The following KCNG2 variants were observed in gnomAD, a reference collection of about 807,000 sequenced individuals.
KCNG2 encodes potassium voltage-gated channel modifier subfamily G member 2, also known as voltage-gated potassium channel regulatory subunit KCNG2.
Under a neutral mutation model 12.3 loss-of-function variants are expected in KCNG2, and 7 were observed. That is an observed-to-expected ratio of 0.57 (90% CI 0.32 to 1.07). KCNG2 has a LOEUF of 1.07. KCNG2 is among the 50% of genes least tolerant of loss of function. The probability of loss-of-function intolerance (pLI) is 0.04; values close to 1 mark genes in which losing one functional copy is unlikely to be tolerated. For synonymous variants in KCNG2, 414 were observed against 351.4 expected (o/e 1.18, Z -1.99); for missense variants, 703 against 726.0 (o/e 0.97, Z 0.36).
At chr18:79,820,802 C>A (rs1417559923) in intron 1 of KCNG2, among the ~76,000 whole-genome samples, 4 of 152,132 alleles carry the variant, frequency 2.6e-5, no homozygotes, top group Non-Finnish European at 4.4e-5. Flanking sequence ...GCATGCACCA[C>A]CACACCCAGC....
In KCNG2 at chr18:79,899,376, G is replaced by C. The variant is rs752015954; in HGVS notation, c.961G>C (p.Glu321Gln). Residue 321 changes from glutamate (E) to glutamine (Q), a missense_variant, in exon 4 of 4, where the codon GAG (glutamate) becomes CAG (glutamine). Transcript: ENST00000316249. Reference sequence around the variant, plus strand: ...CCTGACCATGCGCCGCTGCGCGCGCGAGTTCGGGCTGCTGCTGCTGTTCCT... The same window carrying C: ...CCTGACCATGCGCCGCTGCGCGCGCCAGTTCGGGCTGCTGCTGCTGTTCCT... ...LGLTMRRCAR[E>Q]FGLLLLFLCV... The C allele has an allele frequency of 7.7e-6, 12 of 1,561,718 alleles. No homozygotes were observed. The highest frequency in any genetic ancestry group is 2.8e-5 in the African/African-American group (2 of 72,496).
At chr18:79,823,907 G>A (rs1320013087) in intron 1 of KCNG2, among the ~76,000 whole-genome samples, 2 of 152,142 alleles carry the variant, frequency 1.3e-5, no homozygotes, top group Non-Finnish European at 2.9e-5. Context: ...GTTTACTTTC[G>A]TGTTTTAAAT....
chr18:79,873,401 C>T (rs1979931337), intron 3 of KCNG2, among the ~76,000 whole-genome samples: 7 of 146,406 alleles, frequency 4.8e-5, no homozygotes, highest in Admixed American at 4.1e-4. Context: ...TGCTGGCCCA[C>T]GGGTGCCGCT....
chr18:79,834,829 C>T (rs1352746460), intron 1 of KCNG2, among the ~76,000 whole-genome samples: 2 of 152,224 alleles, frequency 1.3e-5, no homozygotes, highest in African/African-American at 2.4e-5. Context: ...GGAGCTGGTT[C>T]CTGATGGCTG....
Position 79,899,133 on chromosome 18 carries a change from G to A in KCNG2, c.718G>A (p.Ala240Thr). ...CGAGTTCCTGCTGCGCTCCCTGCAG[G>A]CCGAGAGCAAGTGCGCCTTCCTGCG... ...SFEFLLRSLQ[A>T]ESKCAFLRAP... The change falls in exon 4 of 4, where the codon GCC (alanine) becomes ACC (threonine). Residue 240 changes from alanine (A) to threonine (T), a missense_variant. Transcript: ENST00000316249. 1 of 1,607,648 alleles carries A rather than the reference G, an allele frequency of 6.2e-7. No homozygotes were observed.
chr18:79,842,445 G>C (rs1978489466), intron 1 of KCNG2, among the ~76,000 whole-genome samples: 1 of 152,138 alleles, frequency 6.6e-6, no homozygotes, highest in African/African-American at 2.4e-5. Context: ...AAGGGCACAA[G>C]GATCATGAAT....
chr18:79,896,017 G>C (rs1318901884), intron 3 of KCNG2, among the ~76,000 whole-genome samples: 4 of 152,178 alleles, frequency 2.6e-5, no homozygotes, highest in Non-Finnish European at 5.9e-5. Flanking sequence ...CCAGGTTGGA[G>C]TGCAGTGGCA....
At chr18:79,813,831 A>G (rs188695736) in intron 1 of KCNG2, among the ~76,000 whole-genome samples, 92 of 152,372 alleles carry the variant, frequency 6.0e-4, no homozygotes, top group African/African-American at 2.1e-3. Flanking sequence ...GAATGGGAGA[A>G]AATATTTGCA....
rs762037910 is a variant in KCNG2 at position 79,899,383 on chromosome 18, GGCT to G, written c.979_981del (p.Leu327del). On this transcript the variant is annotated inframe_deletion, in exon 4 of 4. Coordinates refer to ENST00000316249, the MANE Select transcript of KCNG2 (RefSeq NM_012283.2). ...ATGCGCCGCTGCGCGCGCGAGTTCGGGCTGCTGCTGCTGTTCCTCTGCGTGGCC... is the reference window on the plus strand; with the variant it reads ...ATGCGCCGCTGCGCGCGCGAGTTCGGGCTGCTGCTGTTCCTCTGCGTGGCC... 7.0e-6 allele frequency: 11 copies of G among 1,566,762 alleles called. No individual in the cohort carries two copies. The highest frequency in any genetic ancestry group is 3.7e-5 in the Admixed American group (2 of 54,358).
At chr18:79,891,582 A>G (rs951806020) in intron 3 of KCNG2, among the ~76,000 whole-genome samples, 4 of 152,142 alleles carry the variant, frequency 2.6e-5, no homozygotes, top group Non-Finnish European at 5.9e-5. Flanking sequence ...TTGTGTCTTC[A>G]TTCTTACTCA....
intron 3 of KCNG2, among the ~76,000 whole-genome samples, chr18:79,873,434 C>A (rs966497355): frequency 1.4e-5 from 2 of 145,082 alleles, no homozygotes; most frequent in African/African-American, 5.1e-5. Flanking sequence ...CCTCCCCCCC[C>A]CCCAGCCACC....
chr18:79,864,149 G>C lies in KCNG2; in HGVS notation c.482G>C (p.Arg161Pro). ...GPRGRLQRGRRRLRDVVDNPH... is the reference protein window; with the variant it reads ...GPRGRLQRGRPRLRDVVDNPH... The stretch of plus-strand genomic sequence containing the variant: ...CGGGGGCGGCTGCAGCGCGGCCGGC[G>C]GCGCCTGCGCGACGTGGTGGACAAC... Residue 161 changes from arginine (R) to proline (P), a missense_variant, in exon 3 of 4, where the codon CGG (arginine) becomes CCG (proline). Physicochemically the swap from Arg to Pro is moderately radical, Grantham distance 103. Coordinates refer to ENST00000316249, the MANE Select transcript of KCNG2 (RefSeq NM_012283.2). The C allele has an allele frequency of 7.0e-7, 1 of 1,421,520 alleles. No homozygotes were observed. The highest frequency in any genetic ancestry group is 9.2e-7 in the Non-Finnish European group (1 of 1,090,350). The allele number at this position is 1,421,520 out of a possible 1,614,324, so 88.1% of individuals were successfully genotyped here.
At chr18:79,828,967 A>G (rs111164332) in intron 1 of KCNG2, among the ~76,000 whole-genome samples, 76 of 80,566 alleles carry the variant, frequency 9.4e-4, no homozygotes, top group Middle Eastern at 0.017. Context: ...ATGTGTCTGT[A>G]TGTGGGTGTC....
chr18:79,804,378 C>T (rs968887637), intron 1 of KCNG2, among the ~76,000 whole-genome samples: 5 of 152,248 alleles, frequency 3.3e-5, no homozygotes, highest in Admixed American at 1.3e-4. Context: ...CTGCACCAGG[C>T]TCCAGGGGGG....
At chr18:79,876,054 G>A (rs1599420158) in intron 3 of KCNG2, 1 of 152,368 alleles carries the variant, frequency 6.6e-6, no homozygotes, top group African/African-American at 2.4e-5. Context: ...CAGGTCTGGG[G>A]TTGGTGCAGC....
At chr18:79,838,811 G>A (rs982537470) in intron 1 of KCNG2, among the ~76,000 whole-genome samples, 3 of 152,196 alleles carry the variant, frequency 2.0e-5, no homozygotes, top group African/African-American at 7.2e-5. Flanking sequence ...ACAGTGTCAA[G>A]AGGGAAATTA....
intron 1 of KCNG2, among the ~76,000 whole-genome samples, chr18:79,852,138 TGGG>T (rs1222202708): frequency 6.6e-6 from 1 of 152,028 alleles, no homozygotes; most frequent in Non-Finnish European, 1.5e-5. Context: ...GGGCCGGAAT[TGGG>T]GGGATGGCAA....
intron 1 of KCNG2, among the ~76,000 whole-genome samples, chr18:79,818,908 C>T (rs1262182299): frequency 6.6e-6 from 1 of 152,150 alleles, no homozygotes; most frequent in East Asian, 1.9e-4. Flanking sequence ...CAGGTCTGGC[C>T]GAGCACTGAG....
intron 3 of KCNG2, among the ~76,000 whole-genome samples, chr18:79,869,482 G>T (rs62103194): frequency 6.6e-6 from 1 of 152,070 alleles, no homozygotes; most frequent in African/African-American, 2.4e-5. Context: ...CACAGGGGAC[G>T]CACTGGCCCA....
Sources: gnomAD v4.1 joint callset for allele counts (sites outside exome capture counted in the v4.1 genomes callset) on GRCh38, gnomAD v4.1.1 for gene constraint, MANE v1.5 for transcripts, NCBI Gene and HGNC (gene_info 2026-07-23, HGNC 2026-07-21) for gene names.